The following TRAF3IP3 variants were observed in gnomAD, a reference collection of about 807,000 sequenced individuals.
TRAF3IP3 encodes the protein TRAF3 interacting protein 3.
Under a neutral mutation model 86.5 loss-of-function variants are expected in TRAF3IP3, and 64 were observed. That is an observed-to-expected ratio of 0.74 (90% CI 0.60 to 0.91). The LOEUF is 0.91. Ranked by LOEUF, TRAF3IP3 falls within the 40% of genes least tolerant of loss-of-function variation. The pLI is 0.00. For missense variants in TRAF3IP3, 579 were observed against 642.9 expected, an observed-to-expected ratio of 0.90 and a Z score of 1.07; for synonymous variants, 220 against 243.9, an observed-to-expected ratio of 0.90 and a Z score of 0.91.
chr1:209,781,144 A>G, intron 15 of TRAF3IP3: 1 of 414,094 alleles, frequency 2.4e-6, no homozygotes, highest in Admixed American at 4.0e-5. Context: ...TATAATATGC[A>G]TTACTGTCAA....
chr1:209,775,307 A>T (rs2102501794), intron 9 of TRAF3IP3, 42 bp from the exon 10 acceptor site: 1 of 1,565,998 alleles, frequency 6.4e-7, no homozygotes, highest in Non-Finnish European at 8.7e-7. Flanking sequence ...TTTGGCACAC[A>T]GAAGCTCAAT....
chr1:209,771,190 GAGGTGTGCGTGTTCATGTGA>G (rs2077502130), intron 8 of TRAF3IP3, among the ~76,000 whole-genome samples: 1 of 146,528 alleles, frequency 6.8e-6, no homozygotes, highest in East Asian at 2.2e-4. Flanking sequence ...TGCGCATGTG[GAGGTGTGCGTGTTCATGTGA>G]AGGTGTGTGT....
chr1:209,758,542 G>C (rs1250869463), intron 1 of TRAF3IP3: 1 of 152,206 alleles, frequency 6.6e-6, no homozygotes, highest in African/African-American at 2.4e-5. Flanking sequence ...CCAGTAAAGG[G>C]GCAGAGAGTC....
Position 209,780,385 on chromosome 1 carries a change from T to C in TRAF3IP3, c.1313-85T>C, listed in dbSNP as rs949247006. ...ACGCCCTCCCAAGTTCCCTCCCCTC[T>C]CCCCACTCCTAGTGGTTTCACCCTC... On this transcript the variant is annotated intron_variant, in intron 14 of 16. Coordinates refer to ENST00000367025, the MANE Select transcript of TRAF3IP3 (RefSeq NM_025228.4). 1.6e-4 allele frequency: 211 copies of C among 1,306,422 alleles called. 2 individuals carry two copies. In the Middle Eastern group the frequency reaches 6.6e-3, roughly 41 times the overall value. 80.9% of individuals were successfully genotyped at this position (1,306,422 alleles called of 1,614,324 possible).
chr1:209,778,361 G>C, intron 13 of TRAF3IP3, 188 bp downstream of exon 13: 1 of 508,666 alleles, frequency 2.0e-6, no homozygotes, highest in South Asian at 3.2e-5. Flanking sequence ...GTTAGCCTCT[G>C]TTCTTTTTTT....
Position 209,780,594 on chromosome 1 carries a change from C to T in TRAF3IP3, c.1437C>T (p.Ala479=). The T allele has an allele frequency of 6.3e-7, 1 of 1,586,840 alleles. No homozygotes were observed. Among genetic ancestry groups the T allele is most frequent in the East Asian group, 2.3e-5 (1 of 43,420 alleles). The stretch of plus-strand genomic sequence containing the variant: ...AAAAGAAGACTTTGCAGCTCCAGGC[C>T]AAGGAAAAGGAGGTGAGAGGGTGAC... ...QLQKKTLQLQ[A]KEKECRELHS... The change falls in exon 15 of 17, where the codon GCC becomes GCT. Residue 479 remains alanine (A), a synonymous_variant. Transcript: ENST00000367025.
At chr1:209,768,902 C>A (rs775633312) in intron 8 of TRAF3IP3, among the ~76,000 whole-genome samples, 1 of 152,186 alleles carries the variant, frequency 6.6e-6, no homozygotes, top group Non-Finnish European at 1.5e-5. Context: ...TCCAGAAAAG[C>A]AGAGCTGTGG....
At chr1:209,780,012 A>G (rs1366970243) in intron 14 of TRAF3IP3, 1 of 158,826 alleles carries the variant, frequency 6.3e-6, no homozygotes, top group African/African-American at 2.4e-5. Flanking sequence ...CACCAAGACT[A>G]AGACTGCAGG....
rs375415223 is a variant in TRAF3IP3 at position 209,765,178 on chromosome 1, G to GGAGAGAGAGAGAGAGA, written c.702+1611_702+1626dup. Among the ~76,000 whole-genome samples, 82 of 87,852 alleles carry GGAGAGAGAGAGAGAGA rather than the reference G, an allele frequency of 9.3e-4. 4 individuals carry two copies. Among genetic ancestry groups the GGAGAGAGAGAGAGAGA allele is most frequent in the East Asian group, 8.7e-3 (22 of 2,528 alleles). 57.6% of individuals were successfully genotyped at this position (87,852 alleles called of 152,430 possible). On this transcript the variant is annotated intron_variant, in intron 8 of 16. Coordinates refer to ENST00000367025, the MANE Select transcript of TRAF3IP3 (RefSeq NM_025228.4). ...TGACAGAGCAGGACTCTGAGAGACA[G>GGAGAGAGAGAGAGAGA]GAGAGAGAGAGAGAGAGAGAGAGAG...
Position 209,781,429 on chromosome 1 carries a change from C to A in TRAF3IP3, c.1534C>A (p.Leu512Met), listed in dbSNP as rs145465785. 6.1e-5 allele frequency: 98 copies of A among 1,613,128 alleles called. No homozygotes were observed. The highest frequency in any genetic ancestry group is 8.2e-5 in the Non-Finnish European group (97 of 1,179,434). ...LRKLQHCREE[L>M]NQSQQLPPRR... The stretch of plus-strand genomic sequence containing the variant: ...TAAGCTGCAGCACTGTCGAGAAGAG[C>A]TGAACCAGAGCCAGCAGCTGCCTCC... Residue 512 changes from leucine (L) to methionine (M), a missense_variant, in exon 16 of 17, where the codon CTG becomes ATG. By Grantham distance (15) the Leu-to-Met change is conservative (BLOSUM62 2). Coordinates refer to ENST00000367025, the MANE Select transcript of TRAF3IP3 (RefSeq NM_025228.4).
In TRAF3IP3 at chr1:209,762,850, C is replaced by T. The variant is rs558796392; in HGVS notation, c.531C>T (p.Asn177=). 2.8e-5 allele frequency: 46 copies of T among 1,614,192 alleles called. No individual in the cohort carries two copies. In the East Asian group the frequency reaches 6.5e-4, roughly 23 times the overall value. ...AGGCAGAAGGACCAACAATTAAGAA[C>T]GATGCCAGTCAGCAAACCAAGTGAG... ...QTKAEGPTIK[N]DASQQTNYGV... Residue 177 remains asparagine (N), a synonymous_variant, in exon 5 of 17, where the codon AAC becomes AAT. Transcript: ENST00000367025.
chr1:209,768,466 T>C (rs2077398723), intron 8 of TRAF3IP3: 1 of 985,554 alleles, frequency 1.0e-6, no homozygotes, highest in Middle Eastern at 5.2e-4. Context: ...TTTGAAGATC[T>C]GCGTCCTGGA....
At chr1:209,776,558 T>G (rs1004126893) in intron 11 of TRAF3IP3, 3 of 152,096 alleles carry the variant, frequency 2.0e-5, no homozygotes, top group African/African-American at 7.2e-5. Flanking sequence ...CCTTTGTTGT[T>G]TTCTTCTTCC....
At chr1:209,763,185 G>T in intron 6 of TRAF3IP3, 93 bp downstream of exon 6, 2 of 1,468,368 alleles carry the variant, frequency 1.4e-6, no homozygotes, top group Non-Finnish European at 1.9e-6. Flanking sequence ...GGATGGAGGG[G>T]CATCTTCTTC....
chr1:209,760,175 G>A lies in TRAF3IP3; in HGVS notation c.136G>A (p.Gly46Arg). 2 of 1,614,218 alleles carry A rather than the reference G, an allele frequency of 1.2e-6. No homozygotes were observed. Among genetic ancestry groups the A allele is most frequent in the Middle Eastern group, 1.6e-4 (1 of 6,062 alleles). Reference sequence around the variant, plus strand: ...CAATGTGACCACTTGCCGCCAGGTGGGGAAGACGCTGAGGATCCAACAGAG... The same window carrying A: ...CAATGTGACCACTTGCCGCCAGGTGAGGAAGACGCTGAGGATCCAACAGAG... ...RPNVTTCRQV[G>R]KTLRIQQREQ... The change falls in exon 3 of 17, where the codon GGG becomes AGG. Residue 46 changes from glycine to arginine, a missense_variant. Physicochemically the swap from Gly to Arg is moderately radical, Grantham distance 125 (BLOSUM62 -2). Coordinates refer to ENST00000367025, the MANE Select transcript of TRAF3IP3 (RefSeq NM_025228.4).
intron 8 of TRAF3IP3, among the ~76,000 whole-genome samples, chr1:209,765,229 GGA>G (rs1442006227): frequency 9.1e-4 from 39 of 42,734 alleles, no homozygotes; most frequent in East Asian, 4.4e-3. Context: ...GAGAGAGAGA[GGA>G]AGGAAGGAAG....
chr1:209,772,450 C>A (rs1334185663), intron 8 of TRAF3IP3, among the ~76,000 whole-genome samples: 1 of 152,198 alleles, frequency 6.6e-6, no homozygotes, highest in Non-Finnish European at 1.5e-5. Flanking sequence ...GGGCTTAGGA[C>A]TTCAACATAG....
At chr1:209,763,645 T>C in intron 8 of TRAF3IP3, 58 bp downstream of exon 8, 2 of 1,408,160 alleles carry the variant, frequency 1.4e-6, no homozygotes, top group East Asian at 2.3e-5. Context: ...TCCCATCTCA[T>C]TTTTCTTTCC....
intron 3 of TRAF3IP3, 73 bp downstream of exon 3, chr1:209,760,457 A>G: frequency 7.5e-7 from 1 of 1,330,668 alleles, no homozygotes; most frequent in Non-Finnish European, 1.0e-6. Context: ...GGTGGGCTCA[A>G]GGTCACTAAA....
Sources: allele counts gnomAD v4.1 joint callset (sites outside exome capture counted in the v4.1 genomes callset), GRCh38; gene constraint gnomAD v4.1.1; transcripts MANE v1.5; gene names NCBI Gene and HGNC (gene_info 2026-07-23, HGNC 2026-07-21).